Variants in AMZ2 observed in about 807,000 individuals in gnomAD.
AMZ2 encodes archaelysin family metallopeptidase 2.
A neutral mutation model predicts 36.7 loss-of-function variants in AMZ2; 26 were observed. That is an observed-to-expected ratio of 0.71 (90% confidence interval 0.52 to 0.98). AMZ2 has a LOEUF of 0.98. AMZ2 is among the 50% of genes least tolerant of loss of function. AMZ2 has a pLI of 0.00. For missense variants in AMZ2, 394 were observed against 430.5 expected (o/e 0.92, Z 0.75); for synonymous variants, 144 against 149.1 (o/e 0.97, Z 0.25).
intron 1 of AMZ2, among the ~76,000 whole-genome samples, chr17:68,211,517 GA>G (rs2073045047): frequency 6.8e-6 from 1 of 147,414 alleles, no homozygotes; most frequent in African/African-American, 2.5e-5. Flanking sequence ...AAAAAAAAAA[GA>G]AAAAATGTTT....
intron 1 of AMZ2, among the ~76,000 whole-genome samples, chr17:68,240,312 T>C (rs367565296): frequency 6.6e-6 from 1 of 152,158 alleles, no homozygotes; most frequent in Admixed American, 6.5e-5. Context: ...TCTCAACATA[T>C]AAATTTTGTG....
chr17:68,235,761 G>A lies in AMZ2; in HGVS notation c.-66-12879G>A, dbSNP rs2073771112. Reference sequence around the variant, plus strand: ...CTGCTCTGCTGTGGCTTTTTGGTACGTGCTGTGCCCTCAGCCTGGGCTGCC... The same window carrying A: ...CTGCTCTGCTGTGGCTTTTTGGTACATGCTGTGCCCTCAGCCTGGGCTGCC... On this transcript the variant is annotated intron_variant, in intron 1 of 7. Transcript: ENST00000674770. This position sits in a 1 kb window ranked among gnomAD's most constrained non-coding sequence, Gnocchi z 4.2. 1.3e-5 allele frequency among the ~76,000 whole-genome samples: 2 copies of A among 152,076 alleles called. No homozygotes were observed. Among genetic ancestry groups the A allele is most frequent in the Non-Finnish European group, 2.9e-5 (2 of 68,030 alleles).
intron 1 of AMZ2, among the ~76,000 whole-genome samples, chr17:68,232,426 T>C (rs1235018777): frequency 1.4e-5 from 2 of 147,508 alleles, no homozygotes; most frequent in African/African-American, 5.1e-5. Flanking sequence ...AGTCTGGGAG[T>C]CTGAGGCTAC....
intron 1 of AMZ2, among the ~76,000 whole-genome samples, chr17:68,242,699 C>T (rs2073926468): frequency 6.6e-6 from 1 of 152,150 alleles, no homozygotes; most frequent in Non-Finnish European, 1.5e-5. Flanking sequence ...AGGCATGAGC[C>T]ACCGTGCCCA....
At position 68,255,873 on chromosome 17, in the gene AMZ2, C is replaced by G. The variant is rs148172616; in HGVS notation, c.924C>G (p.Tyr308Ter). The G allele has an allele frequency of 3.6e-5, 58 of 1,613,632 alleles. No individual in the cohort carries two copies. In the African/African-American group the frequency reaches 6.9e-4, roughly 19 times the overall value. The change falls in exon 6 of 7, where the codon TAC (tyrosine) becomes TAG (stop). Residue 308 changes from tyrosine (Y) to a stop codon, truncating the protein, a stop_gained. Coordinates refer to ENST00000359904, the MANE Select transcript of AMZ2 (RefSeq NM_016627.5). LOFTEE classifies it low-confidence loss of function (END_TRUNC). ...TTGGCTTCAGCATTGTAGAAAGATACAAAGTAAGTTGGGGGGTGGACAGTC... is the reference window on the plus strand; with the variant it reads ...TTGGCTTCAGCATTGTAGAAAGATAGAAAGTAAGTTGGGGGGTGGACAGTC... ...CAVGFSIVER[Y>*]KALVRWIDDE... is the part of the protein sequence containing the mutation.
chr17:68,247,513 G>A (rs1212372476), upstream of AMZ2: 1 of 571,594 alleles, frequency 1.7e-6, no homozygotes, highest in Non-Finnish European at 2.2e-6. Context: ...GAGCGCCAGG[G>A]ACGCCACGAG....
intron 5 of AMZ2, among the ~76,000 whole-genome samples, chr17:68,255,428 C>T (rs1236663134): frequency 2.6e-5 from 4 of 152,120 alleles, no homozygotes; most frequent in East Asian, 1.9e-4. Context: ...TGCAAAGCAT[C>T]GCACAGTGCA....
chr17:68,222,080 A>G (rs2073381960), intron 1 of AMZ2, among the ~76,000 whole-genome samples: 2 of 152,386 alleles, frequency 1.3e-5, no homozygotes, highest in South Asian at 2.1e-4. Flanking sequence ...TACTTCAGGC[A>G]GAAAACTGGA....
chr17:68,220,327 C>T (rs530342687), intron 1 of AMZ2, among the ~76,000 whole-genome samples: 52 of 151,402 alleles, frequency 3.4e-4, no homozygotes, highest in African/African-American at 1.3e-3. Flanking sequence ...CTATGCCTCC[C>T]CTTGCTTTAC....
upstream of AMZ2, among the ~76,000 whole-genome samples, chr17:68,246,195 C>CAAA (rs57477453): frequency 1.0e-2 from 836 of 83,798 alleles, 14 homozygotes; most frequent in African/African-American, 0.033. Context: ...ACTAAAAATA[C>CAAA]AAAAAAAAAA....
In AMZ2 at chr17:68,235,924, G is replaced by A. The variant is rs2073776660; in HGVS notation, c.-66-12716G>A. On this transcript the variant is annotated intron_variant, in intron 1 of 7. Transcript: ENST00000674770. The surrounding 1 kb of genome is among the most constrained non-coding windows in gnomAD (Gnocchi z 4.2). Reference sequence around the variant, plus strand: ...GGCTCACTGCAACCTCCATCTCCCGGGCTCAAGCGATTCTCCTGCCTCAGG... The same window carrying A: ...GGCTCACTGCAACCTCCATCTCCCGAGCTCAAGCGATTCTCCTGCCTCAGG... Among the ~76,000 whole-genome samples the A allele has an allele frequency of 6.6e-6, 1 of 152,036 alleles. No individual in the cohort carries two copies. The highest frequency in any genetic ancestry group is 2.4e-5 in the African/African-American group (1 of 41,370).
chr17:68,242,522 A>G (rs532054585), intron 1 of AMZ2, among the ~76,000 whole-genome samples: 2 of 151,334 alleles, frequency 1.3e-5, no homozygotes, highest in Non-Finnish European at 3.0e-5. Context: ...AGTGATTCTC[A>G]TGCCTCAGCC....
upstream of AMZ2, among the ~76,000 whole-genome samples, chr17:68,244,487 G>A (rs2073962458): frequency 6.6e-6 from 1 of 151,976 alleles, no homozygotes; most frequent in South Asian, 2.1e-4. Context: ...GGGTTTCACC[G>A]TTTTGGCCTG....
At chr17:68,233,626 T>C (rs1366345078) in intron 1 of AMZ2, among the ~76,000 whole-genome samples, 6 of 152,008 alleles carry the variant, frequency 3.9e-5, no homozygotes, top group Non-Finnish European at 7.4e-5. Flanking sequence ...TACAAAGCCA[T>C]TGGGGTTTTT....
intron 1 of AMZ2, among the ~76,000 whole-genome samples, chr17:68,225,989 G>T (rs1262211961): frequency 6.6e-6 from 1 of 151,958 alleles, no homozygotes; most frequent in Non-Finnish European, 1.5e-5. Flanking sequence ...AGATTGCCTC[G>T]CCCCAACCCC....
chr17:68,252,093 C>T (rs1555740173), intron 4 of AMZ2, among the ~76,000 whole-genome samples: 3 of 152,062 alleles, frequency 2.0e-5, no homozygotes, highest in South Asian at 2.1e-4. Flanking sequence ...AACTTCATCC[C>T]TAAGAATCCA....
chr17:68,248,971 T>A (rs2074235212), intron 1 of AMZ2: 1 of 799,478 alleles, frequency 1.3e-6, no homozygotes, highest in African/African-American at 1.8e-5. Flanking sequence ...ACAAAGATGA[T>A]CCAGACAGAG....
chr17:68,256,303 ATC>A (rs781812060), intron 6 of AMZ2, among the ~76,000 whole-genome samples: 11 of 152,230 alleles, frequency 7.2e-5, no homozygotes, highest in Non-Finnish European at 1.0e-4. Flanking sequence ...AAAGTACCTA[ATC>A]TCAGTATGTG....
intron 1 of AMZ2, among the ~76,000 whole-genome samples, chr17:68,214,391 G>A (rs1279250610): frequency 6.6e-6 from 1 of 152,080 alleles, no homozygotes; most frequent in Admixed American, 6.6e-5. Flanking sequence ...GTGGCTGAGT[G>A]GTGGAAGAAA....
Sources: gnomAD v4.1 joint callset for allele counts (sites outside exome capture counted in the v4.1 genomes callset) on GRCh38, gnomAD v4.1.1 for gene constraint, Gnocchi (gnomAD v3.1) non-coding constraint, MANE v1.5 for transcripts, NCBI Gene and HGNC (gene_info 2026-07-23, HGNC 2026-07-21) for gene names.